The following KMT2C variants were observed in gnomAD, a reference collection of about 807,000 sequenced individuals.
The protein encoded by KMT2C is lysine methyltransferase 2C, also known as histone-lysine N-methyltransferase 2C.
In KMT2C, 88 loss-of-function variants were observed where a neutral mutation model predicts 507.9. That is an observed-to-expected ratio of 0.17 (90% CI 0.15 to 0.21). The LOEUF is 0.21. Ranked by LOEUF, KMT2C falls within the 10% of genes least tolerant of loss-of-function variation. The pLI, the probability that KMT2C is intolerant of heterozygous loss-of-function variation, is 1.00. For synonymous variants in KMT2C, 2,049 were observed against 2,080.8 expected (o/e 0.98, Z 0.42); for missense variants, 4,954 against 5,957.8 (o/e 0.83, Z 5.55).
chr7:152,418,091 C>T (rs1323399550), intron 1 of KMT2C, among the ~76,000 whole-genome samples: 2 of 152,042 alleles, frequency 1.3e-5, no homozygotes, highest in Non-Finnish European at 2.9e-5. Context: ...CAGGTGTGCG[C>T]CACCACGCCC....
chr7:152,152,237 G>A (rs952513176), intron 49 of KMT2C, among the ~76,000 whole-genome samples: 3 of 152,210 alleles, frequency 2.0e-5, no homozygotes, highest in Admixed American at 6.5e-5. Flanking sequence ...CAGAGATGGG[G>A]GGCATGAACA....
At chr7:152,158,280 T>C (rs761244253) in intron 44 of KMT2C, among the ~76,000 whole-genome samples, 5 of 152,246 alleles carry the variant, frequency 3.3e-5, no homozygotes, top group Non-Finnish European at 7.3e-5. Flanking sequence ...TCACAATGTG[T>C]TTCTTTGGAT....
chr7:152,369,920 A>T (rs1307839180), intron 1 of KMT2C, among the ~76,000 whole-genome samples: 1 of 152,214 alleles, frequency 6.6e-6, no homozygotes, highest in Admixed American at 6.5e-5. Flanking sequence ...AGACATTAAA[A>T]TGACAATAAG....
At chr7:152,305,868 G>T (rs553023456) in intron 6 of KMT2C, among the ~76,000 whole-genome samples, 1 of 152,190 alleles carries the variant, frequency 6.6e-6, no homozygotes, top group South Asian at 2.1e-4. Context: ...TTCTCAAGGA[G>T]CCCTGGTTCC....
At chr7:152,245,181 T>G (rs1366938646) in intron 14 of KMT2C, among the ~76,000 whole-genome samples, 1 of 152,224 alleles carries the variant, frequency 6.6e-6, no homozygotes, top group Non-Finnish European at 1.5e-5. Context: ...AAAAGAATAT[T>G]TCTACTTCAG....
chr7:152,324,787 A>G (rs2096810237), intron 3 of KMT2C, among the ~76,000 whole-genome samples: 2 of 152,012 alleles, frequency 1.3e-5, no homozygotes, highest in African/African-American at 4.8e-5. Flanking sequence ...ACACGAGGCT[A>G]GTGTAATTTT....
At chr7:152,152,265 G>A (rs1393813450) in intron 49 of KMT2C, among the ~76,000 whole-genome samples, 1 of 152,204 alleles carries the variant, frequency 6.6e-6, no homozygotes, top group African/African-American at 2.4e-5. Flanking sequence ...GGGAAGAGAA[G>A]GGCCCTATAG....
intron 23 of KMT2C, among the ~76,000 whole-genome samples, chr7:152,212,696 AG>A (rs765379838): frequency 5.3e-5 from 8 of 152,256 alleles, no homozygotes; most frequent in Admixed American, 2.0e-4. Flanking sequence ...AATTTAATGA[AG>A]GAAGTGAAAG....
chr7:152,360,851 A>G (rs943656093), intron 1 of KMT2C, among the ~76,000 whole-genome samples: 1 of 152,012 alleles, frequency 6.6e-6, no homozygotes. Context: ...TTCTATCTCA[A>G]AAAGAAAAAA....
intron 6 of KMT2C, among the ~76,000 whole-genome samples, chr7:152,288,318 G>A (rs200923804): frequency 1.7e-4 from 26 of 150,746 alleles, no homozygotes; most frequent in African/African-American, 6.3e-4. Flanking sequence ...TGGATCACCT[G>A]AGGTGAGGAG....
In KMT2C at chr7:152,180,257, G is replaced by A; in HGVS notation, c.7150-131C>T. ...GCTGGCCTCAAATTCCTGGACTCAA[G>A]TGATCCTCCTGTCTCAGCCTCTCAA... is the stretch of plus-strand genomic sequence containing the variant. On this transcript the variant is annotated intron_variant, in intron 36 of 58. Coordinates refer to ENST00000262189, the MANE Select transcript of KMT2C (RefSeq NM_170606.3). The A allele has an allele frequency of 4.4e-6, 4 of 917,434 alleles. No homozygotes were observed. The South Asian group carries it at 5.9e-5, about 14-fold the overall frequency. 56.8% of individuals were successfully genotyped at this position (917,434 alleles called of 1,614,324 possible).
At chr7:152,333,092 A>G (rs2096899445) in intron 2 of KMT2C, among the ~76,000 whole-genome samples, 1 of 152,016 alleles carries the variant, frequency 6.6e-6, no homozygotes, top group African/African-American at 2.4e-5. Context: ...TTTCCTTTAG[A>G]CCTCTAAATA....
At chr7:152,284,345 CAA>C (rs2096264654) in intron 6 of KMT2C, among the ~76,000 whole-genome samples, 1 of 151,972 alleles carries the variant, frequency 6.6e-6, no homozygotes, top group African/African-American at 2.4e-5. Context: ...CAAGATAATC[CAA>C]GAGAGCAATA....
intron 1 of KMT2C, among the ~76,000 whole-genome samples, chr7:152,377,892 T>C (rs1020452200): frequency 1.3e-5 from 2 of 152,192 alleles, no homozygotes; most frequent in Non-Finnish European, 2.9e-5. Context: ...CTGGAAGAAG[T>C]TGATTCCAAC....
chr7:152,248,397 T>C lies in KMT2C; in HGVS notation c.2037A>G (p.Arg679=). 6.2e-7 allele frequency: 1 copy of C among 1,614,104 alleles called. No homozygotes were observed. The highest frequency in any genetic ancestry group is 8.5e-7 in the Non-Finnish European group (1 of 1,179,984). Reference sequence around the variant, plus strand: ...CTAATTTTGGAGGCCTTGATTCTTCTCTGGATACCACTGTTTCAGGTTCCT... The same window carrying C: ...CTAATTTTGGAGGCCTTGATTCTTCCCTGGATACCACTGTTTCAGGTTCCT... The part of the protein sequence containing the change: ...LLEEPETVVS[R]EESRPPKLVM... Residue 679 remains arginine (R), a synonymous_variant, in exon 14 of 59, where the codon AGA becomes AGG. Coordinates refer to ENST00000262189, the MANE Select transcript of KMT2C (RefSeq NM_170606.3).
At chr7:152,205,065 T>C in intron 25 of KMT2C, 41 bp downstream of exon 25, 1 of 1,370,288 alleles carries the variant, frequency 7.3e-7, no homozygotes, top group Non-Finnish European at 1.0e-6. Flanking sequence ...GACCAAAGGG[T>C]TACATTAAAA....
intron 22 of KMT2C, among the ~76,000 whole-genome samples, chr7:152,221,324 T>C (rs572467750): frequency 6.6e-6 from 1 of 152,280 alleles, no homozygotes; most frequent in African/African-American, 2.4e-5. Context: ...TGCAACTAAA[T>C]GCAATGCTCA....
chr7:152,186,713 C>T (rs1456953792), intron 33 of KMT2C, among the ~76,000 whole-genome samples: 1 of 152,202 alleles, frequency 6.6e-6, no homozygotes, highest in African/African-American at 2.4e-5. Context: ...AATAATAAAA[C>T]CGCATTGCTT....
intron 1 of KMT2C, among the ~76,000 whole-genome samples, chr7:152,430,048 T>C (rs1244642220): frequency 7.5e-6 from 1 of 133,124 alleles, no homozygotes; most frequent in African/African-American, 2.7e-5. Context: ...TGTGGTGGCA[T>C]GCGCCTGTAA....
Sources: allele counts gnomAD v4.1 joint callset (sites outside exome capture counted in the v4.1 genomes callset), GRCh38; gene constraint gnomAD v4.1.1; transcripts MANE v1.5; gene names NCBI Gene and HGNC (gene_info 2026-07-23, HGNC 2026-07-21).